The following ROR1 variants were observed in gnomAD, a reference collection of about 807,000 sequenced individuals.
The protein encoded by ROR1 is inactive tyrosine-protein kinase transmembrane receptor ROR1.
In ROR1, 19 loss-of-function variants were observed where a neutral mutation model predicts 78.8. The ratio of observed to expected loss-of-function variants is 0.24; its 90% CI spans 0.17 to 0.35. ROR1 has a LOEUF of 0.35. Ranked by LOEUF, ROR1 falls within the 10% of genes least tolerant of loss-of-function variation. The pLI is 1.00. For synonymous variants in ROR1, 386 were observed against 433.6 expected, an observed-to-expected ratio of 0.89 and a Z score of 1.36; for missense variants, 917 against 1,177.8, an observed-to-expected ratio of 0.78 and a Z score of 3.24.
At chr1:64,037,720 G>A (rs1323852) in intron 2 of ROR1, among the ~76,000 whole-genome samples, 98,625 of 152,054 alleles carry the variant, frequency 0.65, 35,904 homozygotes, top group East Asian at 0.88. Flanking sequence ...CCTGCTGGAG[G>A]AGGAACTTTC....
chr1:63,816,586 G>T (rs1203835016), intron 1 of ROR1, among the ~76,000 whole-genome samples: 1 of 152,154 alleles, frequency 6.6e-6, no homozygotes, highest in Non-Finnish European at 1.5e-5. Flanking sequence ...TTTATCAGCA[G>T]CATGAAAATG....
chr1:64,113,266 G>A (rs1310098684), intron 4 of ROR1, among the ~76,000 whole-genome samples: 3 of 152,056 alleles, frequency 2.0e-5, no homozygotes, highest in Non-Finnish European at 2.9e-5. Flanking sequence ...TTCTTCATTG[G>A]TTTTCACTAA....
intron 4 of ROR1, among the ~76,000 whole-genome samples, chr1:64,088,571 T>C (rs1647171131): frequency 7.9e-6 from 1 of 126,894 alleles, no homozygotes; most frequent in African/African-American, 3.0e-5. Context: ...CTGAGCCAGC[T>C]CCACTTTTCC....
intron 1 of ROR1, among the ~76,000 whole-genome samples, chr1:63,979,861 G>C (rs972975636): frequency 1.3e-5 from 2 of 152,128 alleles, no homozygotes; most frequent in Non-Finnish European, 2.9e-5. Context: ...CAAATAGAAA[G>C]ATCTAAAACA....
chr1:64,153,355 A>G (rs1649679757), intron 7 of ROR1, among the ~76,000 whole-genome samples: 1 of 152,072 alleles, frequency 6.6e-6, no homozygotes, highest in African/African-American at 2.4e-5. Context: ...GTTCCTAAAA[A>G]AAATTAAAAA....
intron 1 of ROR1, among the ~76,000 whole-genome samples, chr1:63,807,753 G>T (rs1377474417): frequency 6.6e-6 from 1 of 152,132 alleles, no homozygotes; most frequent in Non-Finnish European, 1.5e-5. Flanking sequence ...ATTGGTCCTG[G>T]GGTGGGGATA....
intron 1 of ROR1, among the ~76,000 whole-genome samples, chr1:63,911,822 G>A (rs1645572730): frequency 6.6e-6 from 1 of 152,172 alleles, no homozygotes. Flanking sequence ...CTGTACAAGA[G>A]ATATGCTGAG....
At chr1:63,960,858 A>G (rs1646021701) in intron 1 of ROR1, among the ~76,000 whole-genome samples, 1 of 152,200 alleles carries the variant, frequency 6.6e-6, no homozygotes, top group Non-Finnish European at 1.5e-5. Context: ...GTGATTTTGA[A>G]AGAAGAGAGT....
intron 1 of ROR1, among the ~76,000 whole-genome samples, chr1:63,897,652 C>A (rs1645450906): frequency 6.6e-6 from 1 of 152,124 alleles, no homozygotes; most frequent in African/African-American, 2.4e-5. Context: ...ACATCAGCAG[C>A]AGAAGGGCAG....
intron 1 of ROR1, among the ~76,000 whole-genome samples, chr1:63,862,654 C>A (rs940920837): frequency 6.6e-6 from 1 of 151,578 alleles, no homozygotes; most frequent in Non-Finnish European, 1.5e-5. Context: ...CACATACTGC[C>A]TCTTCTTGGG....
At chr1:63,884,306 A>G (rs1414789250) in intron 1 of ROR1, among the ~76,000 whole-genome samples, 4 of 152,170 alleles carry the variant, frequency 2.6e-5, no homozygotes, top group Non-Finnish European at 5.9e-5. Context: ...GACTCTTGGT[A>G]AAGTCAGACT....
chr1:64,022,131 A>G (rs75281673), intron 2 of ROR1, among the ~76,000 whole-genome samples: 1,925 of 152,350 alleles, frequency 0.013, 40 homozygotes, highest in African/African-American at 0.045. Flanking sequence ...GCTGAGTGAA[A>G]GAAGCCAGAC....
chr1:63,839,535 A>G (rs1054875460), intron 1 of ROR1, among the ~76,000 whole-genome samples: 1 of 152,178 alleles, frequency 6.6e-6, no homozygotes, highest in Non-Finnish European at 1.5e-5. Flanking sequence ...GCTTATTGCA[A>G]TTAAAAAAGG....
At chr1:63,777,863 A>G (rs1644626867) in intron 1 of ROR1, among the ~76,000 whole-genome samples, 1 of 152,264 alleles carries the variant, frequency 6.6e-6, no homozygotes, top group Admixed American at 6.5e-5. Context: ...ACACATATAT[A>G]GTAAGTGGTC....
At chr1:64,035,048 AGTG>A (rs1205055806) in intron 2 of ROR1, among the ~76,000 whole-genome samples, 1 of 152,162 alleles carries the variant, frequency 6.6e-6, no homozygotes, top group Admixed American at 6.5e-5. Flanking sequence ...GTGGGAGTTC[AGTG>A]GCAATATTTT....
intron 1 of ROR1, among the ~76,000 whole-genome samples, chr1:63,900,038 G>C (rs899375484): frequency 1.3e-5 from 2 of 152,064 alleles, no homozygotes; most frequent in Non-Finnish European, 1.5e-5. Context: ...AGTGAGACTA[G>C]TGTTGCTGAA....
intron 1 of ROR1, among the ~76,000 whole-genome samples, chr1:63,919,488 CT>C (rs10644304): frequency 0.46 from 55,905 of 121,860 alleles, 12,904 homozygotes; most frequent in East Asian, 0.76. Context: ...ATTGAATTGG[CT>C]TTTTTTTTTT....
At chr1:64,099,463 C>T (rs1647431854) in intron 4 of ROR1, among the ~76,000 whole-genome samples, 1 of 152,116 alleles carries the variant, frequency 6.6e-6, no homozygotes, top group East Asian at 1.9e-4. Flanking sequence ...TAACAAAAGT[C>T]ATCGGAGCAT....
At chr1:64,129,207 C>T (rs1356766794) in intron 4 of ROR1, among the ~76,000 whole-genome samples, 1 of 152,154 alleles carries the variant, frequency 6.6e-6, no homozygotes, top group East Asian at 1.9e-4. Context: ...GATTGGGTTT[C>T]ACCCCACTTC....
Sources: gnomAD v4.1 joint callset for allele counts (sites outside exome capture counted in the v4.1 genomes callset) on GRCh38, gnomAD v4.1.1 for gene constraint, MANE v1.5 for transcripts, NCBI Gene and HGNC (gene_info 2026-07-23, HGNC 2026-07-21) for gene names.